DMD: variants seen among roughly 807,000 people sequenced by gnomAD.
DMD encodes the protein mutant dystrophin.
A neutral mutation model predicts 330.1 loss-of-function variants in DMD; 63 were observed. The ratio of observed to expected loss-of-function variants is 0.19; its 90% CI spans 0.16 to 0.24. The LOEUF (loss-of-function observed/expected upper bound fraction) is 0.24, where lower values mean the gene tolerates loss of function less well. DMD is among the 10% of genes least tolerant of loss of function. The pLI is 1.00. For synonymous variants in DMD, 1,223 were observed against 959.8 expected (o/e 1.27, Z -5.07); for missense variants, 3,344 against 2,684.1 (o/e 1.25, Z -5.43).
At chrX:32,350,052 ATATT>A (rs1465561791) in intron 37 of DMD, among the ~76,000 whole-genome samples, 2 of 111,435 alleles carry the variant, frequency 1.8e-5, no homozygotes, top group Non-Finnish European at 3.8e-5. Flanking sequence ...ACATTTGCTA[ATATT>A]TAATGAAAGC....
chrX:33,314,027 T>G (rs2148949998), intron 1 of DMD, among the ~76,000 whole-genome samples: 1 of 109,518 alleles, frequency 9.1e-6, no homozygotes, highest in South Asian at 4.0e-4. Flanking sequence ...AATGTGCATT[T>G]ATGCAACTGA....
rs779970368 is a variant in DMD at position 32,367,656 on chromosome X, C to A, written c.4846-2457G>T. On this transcript the variant is annotated intron_variant, in intron 34 of 78. Coordinates refer to ENST00000357033, the MANE Select transcript of DMD (RefSeq NM_004006.3). ...GCAGGTAGTTCCTGGGTCACAGAAA[C>A]CATTATGTGTCAACATCTGGCCAAA... Among the ~76,000 whole-genome samples, 22 of 111,942 alleles carry A rather than the reference C, an allele frequency of 2.0e-4. No homozygotes were observed. The East Asian group carries it at 6.2e-3, about 32-fold the overall frequency.
At chrX:32,936,685 G>T (rs781319640) in intron 2 of DMD, among the ~76,000 whole-genome samples, 8 of 111,869 alleles carry the variant, frequency 7.2e-5, no homozygotes, top group Non-Finnish European at 1.5e-4. Context: ...GATAAAGGAA[G>T]ATAATGTGGC....
chrX:32,741,909 AT>A (rs748163882), intron 7 of DMD, among the ~76,000 whole-genome samples: 41 of 112,190 alleles, frequency 3.7e-4, no homozygotes, highest in Admixed American at 2.1e-3. Context: ...CTTGATGTTT[AT>A]GTTACTATTA....
At chrX:32,237,850 T>C (rs1340362372) in intron 43 of DMD, among the ~76,000 whole-genome samples, 2 of 111,895 alleles carry the variant, frequency 1.8e-5, no homozygotes, top group Non-Finnish European at 3.8e-5. Context: ...CTGACTTGTG[T>C]TGGATATGTT....
chrX:31,305,538 C>G (rs1420219340), intron 62 of DMD, among the ~76,000 whole-genome samples: 1 of 111,724 alleles, frequency 9.0e-6, no homozygotes, highest in Non-Finnish European at 1.9e-5. Context: ...TCCACTGCTA[C>G]CTTTATCTAG....
chrX:33,309,115 T>C lies in DMD; in HGVS notation c.7+30144A>G, dbSNP rs764762851. Among the ~76,000 whole-genome samples, 3 of 111,626 alleles carry C rather than the reference T, an allele frequency of 2.7e-5. No individual in the cohort carries two copies. The South Asian group carries it at 1.1e-3, about 41-fold the overall frequency. On this transcript the variant is annotated intron_variant, in intron 1 of 17. Coordinates refer to the DMD transcript ENST00000288447. ...ACATAACAGAGCCAAGTCAGACTTT[T>C]TAATATTTATATGTTCTTTTAGGGA...
chrX:32,142,677 C>G lies in DMD; in HGVS notation c.6438+74239G>C, dbSNP rs999985922. Among the ~76,000 whole-genome samples the G allele has an allele frequency of 4.5e-5, 5 of 112,247 alleles. No individual in the cohort carries two copies. The Admixed American group carries it at 4.7e-4, about 11-fold the overall frequency. On this transcript the variant is annotated intron_variant, in intron 44 of 78. Coordinates refer to ENST00000357033, the MANE Select transcript of DMD (RefSeq NM_004006.3). The stretch of plus-strand genomic sequence containing the variant: ...GGGTCTGAATTTCAGATATTTTACT[C>G]CATGCTACGACCTTGCAAAGCTTAC...
chrX:32,196,752 A>G (rs763344377), intron 44 of DMD, among the ~76,000 whole-genome samples: 104 of 110,431 alleles, frequency 9.4e-4, no homozygotes, highest in African/African-American at 9.6e-4. Flanking sequence ...TTGGGAGGCC[A>G]AGGTGGGCAG....
At chrX:31,432,589 A>C (rs902635736) in intron 60 of DMD, among the ~76,000 whole-genome samples, 2 of 112,071 alleles carry the variant, frequency 1.8e-5, no homozygotes, top group African/African-American at 6.5e-5. Flanking sequence ...CCTTTAAAAA[A>C]TGTCTTCGAA....
At chrX:32,427,960 C>T (rs1352974497) in intron 29 of DMD, among the ~76,000 whole-genome samples, 1 of 111,081 alleles carries the variant, frequency 9.0e-6, no homozygotes, top group Non-Finnish European at 1.9e-5. Context: ...ATAACATTTT[C>T]ATCCTTAAGA....
intron 60 of DMD, among the ~76,000 whole-genome samples, chrX:31,391,916 A>C (rs759024890): frequency 9.0e-6 from 1 of 111,576 alleles, no homozygotes; most frequent in South Asian, 3.8e-4. Context: ...CCACACATTT[A>C]GTAGGAAAAA....
intron 9 of DMD, among the ~76,000 whole-genome samples, chrX:32,686,729 T>G (rs2062912250): frequency 9.0e-6 from 1 of 110,917 alleles, no homozygotes; most frequent in East Asian, 2.8e-4. Flanking sequence ...TTAAAAATAT[T>G]AAAATATTTT....
intron 64 of DMD, among the ~76,000 whole-genome samples, chrX:31,210,898 C>T (rs775753921): frequency 1.8e-5 from 2 of 112,129 alleles, no homozygotes; most frequent in East Asian, 2.8e-4. Context: ...ACCTATATTG[C>T]GCACACATTT....
intron 50 of DMD, among the ~76,000 whole-genome samples, chrX:31,794,903 T>A (rs2091755751): frequency 8.9e-6 from 1 of 111,844 alleles, no homozygotes; most frequent in African/African-American, 3.3e-5. Context: ...GACTAAATTG[T>A]ATATGATTAA....
At chrX:31,427,338 A>G (rs1397755564) in intron 60 of DMD, among the ~76,000 whole-genome samples, 3 of 111,091 alleles carry the variant, frequency 2.7e-5, no homozygotes, top group Admixed American at 9.6e-5. Context: ...CTTGTGCAAA[A>G]TTTATTGCTA....
At chrX:32,451,700 C>A (rs754717639) in intron 26 of DMD, among the ~76,000 whole-genome samples, 1 of 110,563 alleles carries the variant, frequency 9.0e-6, no homozygotes, top group Non-Finnish European at 1.9e-5. Flanking sequence ...CTGTTAGTAT[C>A]TTCTGACAAT....
chrX:32,585,799 C>T (rs549627773), intron 13 of DMD, among the ~76,000 whole-genome samples: 2 of 104,367 alleles, frequency 1.9e-5, no homozygotes, highest in African/African-American at 6.9e-5. Context: ...ATTATGATCA[C>T]TGTTATCTTT....
In DMD at chrX:33,231,985, C is replaced by CAAA. The variant is rs200714037; in HGVS notation, c.7+107271_7+107273dup. ...TCAGCTTCACAGTGACAGAGCAGAACAAAAAAGAGCATAAAATGGATTGGG... is the reference window on the plus strand; with the variant it reads ...TCAGCTTCACAGTGACAGAGCAGAACAAAAAAAAAGAGCATAAAATGGATTGGG... On this transcript the variant is annotated intron_variant, in intron 1 of 17. Coordinates refer to the DMD transcript ENST00000288447. Among the ~76,000 whole-genome samples, 370 of 110,274 alleles carry CAAA rather than the reference C, an allele frequency of 3.4e-3. 7 individuals are homozygous for CAAA. In the East Asian group the frequency reaches 0.051, roughly 15 times the overall value.
Sources: gnomAD v4.1 joint callset for allele counts (sites outside exome capture counted in the v4.1 genomes callset) on GRCh38, gnomAD v4.1.1 for gene constraint, MANE v1.5 for transcripts, NCBI Gene and HGNC (gene_info 2026-07-23, HGNC 2026-07-21) for gene names.